Variants in C4orf51 observed in about 807,000 individuals in gnomAD.
The protein encoded by C4orf51 is chromosome 4 open reading frame 51, also known as uncharacterized protein C4orf51.
Under a neutral mutation model 25.2 loss-of-function variants are expected in C4orf51, and 25 were observed. The ratio of observed to expected loss-of-function variants is 0.99; its 90% CI spans 0.72 to 1.39. C4orf51 has a LOEUF of 1.39. C4orf51 is among the 40% of genes most tolerant of loss of function. C4orf51 has a pLI of 0.00. For missense variants in C4orf51, 252 were observed against 239.6 expected, an observed-to-expected ratio of 1.05 and a Z score of -0.34; for synonymous variants, 100 against 84.5, an observed-to-expected ratio of 1.18 and a Z score of -1.01.
rs1387940045 is a variant in C4orf51, at chr4:145,708,826, T to C, written c.307+12194T>C. ...TCCATGAACTCATAGTGACTCTCACTTGGAGCATTTTAGCAACAAAATCAT... is the reference window on the plus strand; with the variant it reads ...TCCATGAACTCATAGTGACTCTCACCTGGAGCATTTTAGCAACAAAATCAT... On this transcript the variant is annotated intron_variant, in intron 2 of 5. Transcript: ENST00000438731. Among the ~76,000 whole-genome samples the C allele has an allele frequency of 2.0e-5, 3 of 152,226 alleles. No homozygotes were observed. In the East Asian group the frequency reaches 5.8e-4, roughly 29 times the overall value.
rs188291048 is a variant in C4orf51 at position 145,739,636 on chromosome 4, A to G, written n.167+7017A>G. On this transcript the variant is annotated intron_variant and non_coding_transcript_variant, in intron 1 of 1. Coordinates refer to the C4orf51 transcript ENST00000508981. ...TAAAAACAATTGTTAAACTTTTAAA[A>G]GTATAAGGACAATAGAATAATTATT... Among the ~76,000 whole-genome samples the G allele has an allele frequency of 4.2e-3, 646 of 152,368 alleles. 5 individuals are homozygous for G. The highest frequency in any genetic ancestry group is 5.9e-3 in the Non-Finnish European group (399 of 68,032).
At chr4:145,720,023 A>G (rs1731645027) in intron 2 of C4orf51, among the ~76,000 whole-genome samples, 1 of 152,022 alleles carries the variant, frequency 6.6e-6, no homozygotes, top group Non-Finnish European at 1.5e-5. Context: ...CATGCCTCAG[A>G]GGTGTGCCCC....
chr4:145,779,366 T>C, the C4orf51 span: 1 of 1,613,606 alleles, frequency 6.2e-7, no homozygotes, highest in African/African-American at 1.3e-5. Context: ...CAGGCCCTAC[T>C]CACTCACCTG....
downstream of C4orf51, chr4:145,758,872 A>T (rs1163004571): frequency 6.6e-6 from 1 of 152,400 alleles, no homozygotes; most frequent in African/African-American, 2.4e-5. Flanking sequence ...CACACCTACT[A>T]GGTGTGGGGA....
chr4:145,725,650 A>G (rs975811564), intron 2 of C4orf51, among the ~76,000 whole-genome samples: 10 of 152,180 alleles, frequency 6.6e-5, no homozygotes, highest in Non-Finnish European at 1.3e-4. Context: ...TGAACCTCAA[A>G]ACATTGTGTT....
chr4:145,694,148 C>T lies in C4orf51; in HGVS notation c.234-2411C>T, dbSNP rs1188326733. ...CGCTCCCCACATCTCAGACGATCTC[C>T]TCCTCACATCCCAGACGATGTGCGG... On this transcript the variant is annotated intron_variant, in intron 1 of 5. Coordinates refer to ENST00000438731, the MANE Select transcript of C4orf51 (RefSeq NM_001080531.3). Among the ~76,000 whole-genome samples, 2 of 23,480 alleles carry T rather than the reference C, an allele frequency of 8.5e-5. 1 individual carries two copies. Among genetic ancestry groups the T allele is most frequent in the African/African-American group, 1.5e-3 (2 of 1,374 alleles). The allele number at this position is 23,480 out of a possible 152,430, so 15.4% of individuals were successfully genotyped here.
At chr4:145,779,258 G>T in the C4orf51 span, 2 of 1,355,486 alleles carry the variant, frequency 1.5e-6, no homozygotes, top group Non-Finnish European at 2.0e-6. Flanking sequence ...GCTTGAAAAG[G>T]TCAGCCATTC....
chr4:145,708,606 G>A (rs1578966334), intron 2 of C4orf51, among the ~76,000 whole-genome samples: 1 of 152,202 alleles, frequency 6.6e-6, no homozygotes, highest in Admixed American at 6.5e-5. Context: ...CTTGGGAACA[G>A]AGGAGATACT....
In C4orf51 at chr4:145,763,595, G is replaced by T. The variant is rs762322375; in HGVS notation, n.167-7393G>T. On this transcript the variant is annotated intron_variant and non_coding_transcript_variant, in intron 1 of 1. Coordinates refer to the C4orf51 transcript ENST00000510096. The surrounding 1 kb of genome is among the most constrained non-coding windows in gnomAD (Gnocchi z 4.6). ...ACTTTGGAGGTCCCTGAGGAAAGGC[G>T]AACTGGCAAAGCCACAACTGGCAGG... Among the ~76,000 whole-genome samples, 32 of 152,188 alleles carry T rather than the reference G, an allele frequency of 2.1e-4. No homozygotes were observed. The highest frequency in any genetic ancestry group is 5.9e-4 in the Admixed American group (9 of 15,290).
At chr4:145,773,012 A>T (rs1372294354), downstream of C4orf51, among the ~76,000 whole-genome samples, 1 of 152,060 alleles carries the variant, frequency 6.6e-6, no homozygotes, top group Non-Finnish European at 1.5e-5. Context: ...ATGGGTGTGG[A>T]GGGGGCTTTG....
At position 145,702,576 on chromosome 4, in the gene C4orf51, G is replaced by C. The variant is rs1016492999; in HGVS notation, c.307+5944G>C. On this transcript the variant is annotated intron_variant, in intron 2 of 5. Coordinates refer to ENST00000438731, the MANE Select transcript of C4orf51 (RefSeq NM_001080531.3). ...TGCCCTGCTCTTGTTTACACTGCCG[G>C]TTTACACTGTTTCTCCAAGCCATCA... is the stretch of plus-strand genomic sequence containing the variant. 2.2e-4 allele frequency among the ~76,000 whole-genome samples: 34 copies of C among 152,216 alleles called. No homozygotes were observed. In the East Asian group the frequency reaches 2.9e-3, roughly 13 times the overall value.
At chr4:145,747,308 T>C (rs1289077105) in intron 1 of C4orf51, among the ~76,000 whole-genome samples, 2 of 152,086 alleles carry the variant, frequency 1.3e-5, no homozygotes, top group Non-Finnish European at 2.9e-5. Flanking sequence ...TTTTCCCCAT[T>C]CAGTATGATA....
intron 2 of C4orf51, among the ~76,000 whole-genome samples, chr4:145,723,268 C>G (rs552181490): frequency 4.6e-5 from 7 of 152,270 alleles, no homozygotes; most frequent in Middle Eastern, 6.8e-3. Context: ...TCTAAATTCT[C>G]CTCCTTTGTG....
intron 2 of C4orf51, among the ~76,000 whole-genome samples, chr4:145,698,353 G>A (rs950602688): frequency 1.3e-5 from 2 of 152,170 alleles, no homozygotes; most frequent in Non-Finnish European, 2.9e-5. Flanking sequence ...GGAGACATGA[G>A]ACATCAATCA....
intron 1 of C4orf51, among the ~76,000 whole-genome samples, chr4:145,746,012 T>C (rs987799682): frequency 6.6e-6 from 1 of 152,236 alleles, no homozygotes; most frequent in Non-Finnish European, 1.5e-5. Context: ...CATTTGTATG[T>C]CTTCTTTTGA....
chr4:145,753,150 G>T (rs1197905221), intron 1 of C4orf51, among the ~76,000 whole-genome samples: 2 of 149,560 alleles, frequency 1.3e-5, no homozygotes, highest in South Asian at 2.2e-4. Flanking sequence ...TTGTGTGTGT[G>T]TGTGTGTGTG....
chr4:145,724,880 C>CAAAAAAAAAAAAAAAAAAAAA (rs1222983724), intron 2 of C4orf51, among the ~76,000 whole-genome samples: 1 of 68,302 alleles, frequency 1.5e-5, no homozygotes, highest in African/African-American at 5.7e-5. Flanking sequence ...AAGACTGTCT[C>CAAAAAAAAAAAAAAAAAAAAA]AAAAAAAAAA....
intron 2 of C4orf51, among the ~76,000 whole-genome samples, chr4:145,723,776 G>A (rs1056428498): frequency 2.6e-5 from 4 of 152,168 alleles, no homozygotes; most frequent in South Asian, 4.1e-4. Flanking sequence ...AGCAAATTAG[G>A]GTAACATTAA....
chr4:145,741,003 C>T (rs955182555), intron 1 of C4orf51, among the ~76,000 whole-genome samples: 12 of 152,158 alleles, frequency 7.9e-5, no homozygotes, highest in Non-Finnish European at 1.6e-4. Flanking sequence ...GCTGTCTCCA[C>T]GGCTGAAGTG....
Sources: gnomAD v4.1 joint callset for allele counts (sites outside exome capture counted in the v4.1 genomes callset) on GRCh38, gnomAD v4.1.1 for gene constraint, Gnocchi (gnomAD v3.1) non-coding constraint, MANE v1.5 for transcripts, NCBI Gene and HGNC (gene_info 2026-07-23, HGNC 2026-07-21) for gene names.